FHOD3: variants seen among roughly 807,000 people sequenced by gnomAD.
FHOD3 encodes the protein FH1/FH2 domain-containing protein 3.
In FHOD3, 90 loss-of-function variants were observed where a neutral mutation model predicts 173.0. That is an observed-to-expected ratio of 0.52 (90% CI 0.44 to 0.62). The LOEUF is 0.62. FHOD3 is among the 20% of genes least tolerant of loss of function. The pLI, the probability that FHOD3 is intolerant of heterozygous loss-of-function variation, is 0.00. For missense variants in FHOD3, 1,945 were observed against 2,034.7 expected (o/e 0.96, Z 0.85); for synonymous variants, 828 against 823.0 (o/e 1.01, Z -0.10).
chr18:36,456,752 C>A (rs893420822), intron 3 of FHOD3, among the ~76,000 whole-genome samples: 3 of 152,018 alleles, frequency 2.0e-5, no homozygotes, highest in Non-Finnish European at 2.9e-5. Flanking sequence ...CTGGAGAGAG[C>A]CTTGCTTGTA....
chr18:36,674,231 C>T (rs2037709858), intron 14 of FHOD3, among the ~76,000 whole-genome samples: 1 of 152,306 alleles, frequency 6.6e-6, no homozygotes, highest in East Asian at 1.9e-4. Context: ...TTACGATGCA[C>T]CTGTGTTTTC....
chr18:36,725,574 TATC>T (rs2149849957), intron 19 of FHOD3, among the ~76,000 whole-genome samples: 1 of 152,206 alleles, frequency 6.6e-6, no homozygotes, highest in African/African-American at 2.4e-5. Flanking sequence ...AGCAGGGTGG[TATC>T]ATACCCAAGT....
At chr18:36,609,030 C>T (rs2032383761) in intron 8 of FHOD3, among the ~76,000 whole-genome samples, 1 of 152,204 alleles carries the variant, frequency 6.6e-6, no homozygotes, top group Non-Finnish European at 1.5e-5. Context: ...CAATGAAAAC[C>T]CAGGGAGGGG....
intron 3 of FHOD3, among the ~76,000 whole-genome samples, chr18:36,494,223 A>G (rs929697228): frequency 6.6e-6 from 1 of 152,160 alleles, no homozygotes; most frequent in Non-Finnish European, 1.5e-5. Flanking sequence ...TTTGTGGGCC[A>G]CAAAGGGGTT....
At chr18:36,361,001 C>A (rs994243479) in intron 2 of FHOD3, among the ~76,000 whole-genome samples, 4 of 152,108 alleles carry the variant, frequency 2.6e-5, no homozygotes, top group Non-Finnish European at 5.9e-5. Context: ...ACCAACGAAA[C>A]CCCCATGTTA....
chr18:36,393,448 T>C lies in FHOD3; in HGVS notation c.337+20704T>C, dbSNP rs73418938. ...CTGGCTTTTACCCACTAGATGCCAG[T>C]TGCAATGCCCCTAATTGTGACAGCA... On this transcript the variant is annotated intron_variant, in intron 3 of 28. Coordinates refer to ENST00000590592, the MANE Select transcript of FHOD3 (RefSeq NM_001281740.3). 7.5e-3 allele frequency among the ~76,000 whole-genome samples: 1,135 copies of C among 152,238 alleles called. 16 individuals carry two copies. The highest frequency in any genetic ancestry group is 0.026 in the African/African-American group (1,076 of 41,532).
rs188150238 is a variant in FHOD3 at position 36,637,017 on chromosome 18, A to G, written c.1196+11268A>G. ...ACAACTATGAAGTACCTTGGACTCT[A>G]CCTTTGTTTTTGTTTGCATTTATGG... On this transcript the variant is annotated intron_variant, in intron 10 of 28. Transcript: ENST00000590592. Among the ~76,000 whole-genome samples, 342 of 152,246 alleles carry G rather than the reference A, an allele frequency of 2.2e-3. 7 individuals are homozygous for G. The highest frequency in any genetic ancestry group is 0.02 in the Admixed American group (309 of 15,296).
chr18:36,779,107 C>T (rs1395485969), intron 28 of FHOD3: 1 of 325,730 alleles, frequency 3.1e-6, no homozygotes, highest in African/African-American at 2.1e-5. Flanking sequence ...TCTCTCCTGC[C>T]CTCTGCACTT....
chr18:36,320,540 A>T (rs1010464566), intron 1 of FHOD3, among the ~76,000 whole-genome samples: 1 of 152,240 alleles, frequency 6.6e-6, no homozygotes, highest in South Asian at 2.1e-4. Context: ...TTCACAGCCA[A>T]ATTCTACCAG....
intron 9 of FHOD3, among the ~76,000 whole-genome samples, chr18:36,616,193 C>T (rs762084077): frequency 2.6e-5 from 4 of 152,194 alleles, no homozygotes; most frequent in Non-Finnish European, 5.9e-5. Flanking sequence ...GGACTTTTTC[C>T]AGCACAGATA....
At chr18:36,676,045 A>G (rs1188604316) in intron 14 of FHOD3, among the ~76,000 whole-genome samples, 3 of 152,224 alleles carry the variant, frequency 2.0e-5, no homozygotes, top group Non-Finnish European at 4.4e-5. Flanking sequence ...TTTAAAATAT[A>G]TATTCAGGAC....
intron 13 of FHOD3, among the ~76,000 whole-genome samples, chr18:36,655,833 T>C (rs542178940): frequency 1.4e-4 from 22 of 152,196 alleles, no homozygotes; most frequent in Middle Eastern, 3.4e-3. Context: ...AGAAGCAAAA[T>C]TAGACTATGA....
intron 5 of FHOD3, among the ~76,000 whole-genome samples, chr18:36,548,594 C>A (rs533430720): frequency 6.6e-6 from 1 of 152,308 alleles, no homozygotes; most frequent in South Asian, 2.1e-4. Context: ...ATCCCAATGC[C>A]ACCCATCCCT....
At chr18:36,363,752 G>T (rs544746710) in intron 2 of FHOD3, among the ~76,000 whole-genome samples, 8 of 152,084 alleles carry the variant, frequency 5.3e-5, no homozygotes, top group Non-Finnish European at 1.2e-4. Flanking sequence ...GTATTTGTGA[G>T]AACTCATAGA....
intron 3 of FHOD3, among the ~76,000 whole-genome samples, chr18:36,409,344 G>A (rs2049232256): frequency 6.6e-6 from 1 of 152,170 alleles, no homozygotes; most frequent in Admixed American, 6.5e-5. Flanking sequence ...GGCAGCGGAA[G>A]CTCTTCATCC....
rs138122819 is a variant in FHOD3, at chr18:36,355,610, G to C, written c.237G>C (p.Gln79His). ...YLDLEATLAEQRDELEGFQDD... is the reference protein window; with the variant it reads ...YLDLEATLAEHRDELEGFQDD... Reference sequence around the variant, plus strand: ...ATTTGGAGGCCACCCTGGCAGAGCAGCGGGATGAGTTGGAAGGCTTCCAGG... The same window carrying C: ...ATTTGGAGGCCACCCTGGCAGAGCACCGGGATGAGTTGGAAGGCTTCCAGG... Residue 79 changes from glutamine (Q) to histidine (H), a missense_variant, in exon 2 of 29, where the codon CAG (glutamine) becomes CAC (histidine). Gln to His is a conservative substitution (Grantham distance 24). Around this residue, in one of 5 missense-constraint regions of FHOD3, gnomAD observed 245 missense variants for 267.7 expected, o/e 0.92. Coordinates refer to ENST00000590592, the MANE Select transcript of FHOD3 (RefSeq NM_001281740.3). 1 of 1,614,038 alleles carries C rather than the reference G, an allele frequency of 6.2e-7. No homozygotes were observed. Among genetic ancestry groups the C allele is most frequent in the Non-Finnish European group, 8.5e-7 (1 of 1,180,010 alleles).
At chr18:36,569,117 C>T (rs1191215885) in intron 5 of FHOD3, among the ~76,000 whole-genome samples, 1 of 151,966 alleles carries the variant, frequency 6.6e-6, no homozygotes, top group Non-Finnish European at 1.5e-5. Context: ...AAATGATAGA[C>T]CTTAAATAAG....
At chr18:36,734,083 C>T (rs941086143) in intron 20 of FHOD3, among the ~76,000 whole-genome samples, 1 of 152,084 alleles carries the variant, frequency 6.6e-6, no homozygotes, top group Non-Finnish European at 1.5e-5. Context: ...ACTGTGCTGC[C>T]TACATTTGCT....
chr18:36,759,017 G>A, intron 25 of FHOD3, 101 bp from the exon 26 acceptor site: 1 of 1,327,170 alleles, frequency 7.5e-7, no homozygotes, highest in Non-Finnish European at 1.0e-6. Flanking sequence ...TATTTACTTG[G>A]AATTTTATGT....
Sources: allele counts gnomAD v4.1 joint callset (sites outside exome capture counted in the v4.1 genomes callset), GRCh38; gene constraint gnomAD v4.1.1; regional missense constraint gnomAD v4.1.1; transcripts MANE v1.5; gene names NCBI Gene and HGNC (gene_info 2026-07-23, HGNC 2026-07-21).